SNUPN: variants seen among roughly 807,000 people sequenced by gnomAD.
The protein encoded by SNUPN is snurportin-1.
A neutral mutation model predicts 39.2 loss-of-function variants in SNUPN; 31 were observed. The ratio of observed to expected loss-of-function variants is 0.79; its 90% CI spans 0.59 to 1.07. The LOEUF (loss-of-function observed/expected upper bound fraction) is 1.07, where lower values mean the gene tolerates loss of function less well. Ranked by LOEUF, SNUPN falls within the 50% of genes least tolerant of loss-of-function variation. SNUPN has a pLI of 0.00. For synonymous variants in SNUPN, 132 were observed against 159.0 expected, an observed-to-expected ratio of 0.83 and a Z score of 1.28; for missense variants, 382 against 434.2, an observed-to-expected ratio of 0.88 and a Z score of 1.07.
intron 3 of SNUPN, among the ~76,000 whole-genome samples, chr15:75,615,896 C>T (rs1304585802): frequency 6.6e-6 from 1 of 152,090 alleles, no homozygotes; most frequent in Non-Finnish European, 1.5e-5. Flanking sequence ...GCGTGAGCCA[C>T]TGCACCTGGC....
intron 8 of SNUPN, among the ~76,000 whole-genome samples, chr15:75,599,958 G>A (rs915107949): frequency 6.6e-6 from 1 of 151,678 alleles, no homozygotes. Flanking sequence ...AGATTCTCCT[G>A]CCTCAACTTC....
At chr15:75,604,450 C>T (rs978634788) in intron 7 of SNUPN, among the ~76,000 whole-genome samples, 9 of 152,160 alleles carry the variant, frequency 5.9e-5, no homozygotes, top group South Asian at 2.1e-4. Context: ...GCGTGAGCCA[C>T]GGCGCCTGGC....
rs117668426 is a variant in SNUPN, at chr15:75,606,192, G to A, written c.601-965C>T. On this transcript the variant is annotated intron_variant, in intron 6 of 8. Coordinates refer to ENST00000308588, the MANE Select transcript of SNUPN (RefSeq NM_005701.4). ...AGTACTTACCTTACAATAAGGACGT[G>A]TTGTAAGGGATTTAATGAGCTAATG... 4.4e-3 allele frequency among the ~76,000 whole-genome samples: 670 copies of A among 152,316 alleles called. 2 individuals carry two copies. Among genetic ancestry groups the A allele is most frequent in the Non-Finnish European group, 6.6e-3 (450 of 68,026 alleles).
At chr15:75,602,156 C>T (rs1010248426) in intron 7 of SNUPN, among the ~76,000 whole-genome samples, 6 of 150,700 alleles carry the variant, frequency 4.0e-5, no homozygotes, top group African/African-American at 1.2e-4. Flanking sequence ...TGCAGTGGGC[C>T]GAGATTGTGC....
chr15:75,624,288 A>G (rs1893158814), intron 1 of SNUPN, among the ~76,000 whole-genome samples: 1 of 151,478 alleles, frequency 6.6e-6, no homozygotes, highest in Non-Finnish European at 1.5e-5. Context: ...GACCAAATCC[A>G]AAGCACCTTT....
intron 7 of SNUPN, among the ~76,000 whole-genome samples, chr15:75,603,460 C>T (rs1449119566): frequency 6.7e-6 from 1 of 149,322 alleles, no homozygotes; most frequent in Non-Finnish European, 1.5e-5. Context: ...AGGAGATCGA[C>T]ACCATCCTTG....
rs185741551 is a variant in SNUPN, at chr15:75,612,414, G to A, written c.304-2420C>T. ...AGCCACATCTCCCTTCCTGACATCC[G>A]TTCCCTTGGCACCATGACATAGCAC... On this transcript the variant is annotated intron_variant, in intron 3 of 8. Coordinates refer to ENST00000308588, the MANE Select transcript of SNUPN (RefSeq NM_005701.4). Among the ~76,000 whole-genome samples, 50 of 152,016 alleles carry A rather than the reference G, an allele frequency of 3.3e-4. No homozygotes were observed. The East Asian group carries it at 3.9e-3, about 12-fold the overall frequency.
chr15:75,608,306 C>T (rs1892684184), intron 5 of SNUPN, among the ~76,000 whole-genome samples: 1 of 152,080 alleles, frequency 6.6e-6, no homozygotes, highest in Non-Finnish European at 1.5e-5. Context: ...TCACTTGAGC[C>T]TGAGAAATAA....
chr15:75,599,621 C>T (rs1458408777), intron 8 of SNUPN, among the ~76,000 whole-genome samples: 4 of 152,172 alleles, frequency 2.6e-5, no homozygotes, highest in Non-Finnish European at 4.4e-5. Flanking sequence ...TACAGTCCCA[C>T]ATTTTATTTT....
intron 2 of SNUPN, among the ~76,000 whole-genome samples, chr15:75,619,060 A>G (rs920207606): frequency 7.1e-6 from 1 of 140,742 alleles, no homozygotes; most frequent in East Asian, 2.2e-4. Flanking sequence ...AGCCAGGTGC[A>G]GTGGCTCCTG....
chr15:75,616,054 A>C (rs548068145), intron 3 of SNUPN, among the ~76,000 whole-genome samples: 11 of 152,152 alleles, frequency 7.2e-5, no homozygotes, highest in Non-Finnish European at 1.5e-4. Context: ...AACAAAATTG[A>C]ATTGTACTTT....
At position 75,598,541 on chromosome 15, in the gene SNUPN, G is replaced by T; in HGVS notation, c.900C>A (p.Asp300Glu). The T allele has an allele frequency of 6.2e-7, 1 of 1,614,208 alleles. No homozygotes were observed. Among genetic ancestry groups the T allele is most frequent in the Non-Finnish European group, 8.5e-7 (1 of 1,180,050 alleles). Reference protein sequence around the residue: ...VPAGPLTTKPDYAGHQLQQIM... With the variant: ...VPAGPLTTKPEYAGHQLQQIM... ...TCTGCTGGAGCTGGTGCCCAGCATA[G>T]TCTGGCTTGGTGGTCAGCGGGCCAG... is the stretch of plus-strand genomic sequence containing the variant. Residue 300 changes from aspartate to glutamate, a missense_variant, in exon 9 of 9, where the codon GAC becomes GAA. Coordinates refer to ENST00000308588, the MANE Select transcript of SNUPN (RefSeq NM_005701.4).
At chr15:75,613,703 T>C (rs1052692129) in intron 3 of SNUPN, among the ~76,000 whole-genome samples, 4 of 135,774 alleles carry the variant, frequency 2.9e-5, no homozygotes, top group Non-Finnish European at 6.5e-5. Flanking sequence ...ACTAGGGAAA[T>C]AGGGAAATAC....
intron 5 of SNUPN, among the ~76,000 whole-genome samples, 198 bp from the exon 6 acceptor site, chr15:75,607,511 G>A (rs527854314): frequency 4.6e-5 from 7 of 152,260 alleles, no homozygotes; most frequent in African/African-American, 1.7e-4. Context: ...TGGTGACTCA[G>A]GGTAAGACAG....
At chr15:75,609,759 C>A in intron 4 of SNUPN, 108 bp from the exon 5 acceptor site, 1 of 1,151,930 alleles carries the variant, frequency 8.7e-7, no homozygotes. Flanking sequence ...TCTCAACAAA[C>A]CTTCCTGCAG....
intron 8 of SNUPN, chr15:75,600,595 A>G (rs1261801471): frequency 6.4e-6 from 1 of 155,276 alleles, no homozygotes; most frequent in Non-Finnish European, 1.4e-5. Flanking sequence ...TTTCAGTGCT[A>G]AAACAGGGCG....
intron 2 of SNUPN, among the ~76,000 whole-genome samples, chr15:75,619,577 G>A (rs1893018395): frequency 6.6e-6 from 1 of 151,994 alleles, no homozygotes; most frequent in South Asian, 2.1e-4. Context: ...GAGAGGTTGA[G>A]GCTGCAGTGA....
chr15:75,613,101 C>G (rs1403966652), intron 3 of SNUPN, among the ~76,000 whole-genome samples: 9 of 151,104 alleles, frequency 6.0e-5, no homozygotes, highest in Non-Finnish European at 1.5e-5. Context: ...ACTGAAAATA[C>G]AAAAAAAATT....
chr15:75,601,591 AAAG>A (rs2141360496), intron 7 of SNUPN, among the ~76,000 whole-genome samples: 1 of 152,118 alleles, frequency 6.6e-6, no homozygotes, highest in African/African-American at 2.4e-5. Context: ...AGCAAAAAGA[AAAG>A]AAAATCTCTG....
Sources: allele counts gnomAD v4.1 joint callset (sites outside exome capture counted in the v4.1 genomes callset), GRCh38; gene constraint gnomAD v4.1.1; transcripts MANE v1.5; gene names NCBI Gene and HGNC (gene_info 2026-07-23, HGNC 2026-07-21).